The following DNHD1 variants were observed in gnomAD, a reference collection of about 807,000 sequenced individuals.
DNHD1 encodes dynein heavy chain domain-containing protein 1.
DNHD1 carries 383 observed loss-of-function variants against 458.1 expected under a neutral mutation model. The ratio of observed to expected loss-of-function variants is 0.84; its 90% CI spans 0.77 to 0.91. The LOEUF is 0.91. Ranked by LOEUF, DNHD1 falls within the 40% of genes least tolerant of loss-of-function variation. The pLI, the probability that DNHD1 is intolerant of heterozygous loss-of-function variation, is 0.00. For missense variants in DNHD1, 5,336 were observed against 5,866.1 expected (o/e 0.91, Z 2.95); for synonymous variants, 2,203 against 2,376.9 (o/e 0.93, Z 2.13).
rs1037284627 is a variant in DNHD1, at chr11:6,544,344, T to C, written c.3754+98T>C. 65 of 1,401,882 alleles carry C rather than the reference T, an allele frequency of 4.6e-5. No individual in the cohort carries two copies. The Admixed American group carries it at 9.1e-4, about 20-fold the overall frequency. 86.8% of individuals were successfully genotyped at this position (1,401,882 alleles called of 1,614,324 possible). A position where few individuals can be genotyped will look rare whatever the true frequency, so the allele number is the denominator to read the frequency against. ...GGTGGAGGTTGGGTGGGAGAAGATA[T>C]GAAGAACACAGTGAGGACCTCCTTC... On this transcript the variant is annotated intron_variant, in intron 19 of 42. Coordinates refer to ENST00000254579, the MANE Select transcript of DNHD1 (RefSeq NM_144666.3).
Position 6,533,137 on chromosome 11 carries a change from C to G in DNHD1, c.2458C>G (p.Arg820Gly). 6.4e-7 allele frequency: 1 copy of G among 1,551,640 alleles called. No individual in the cohort carries two copies. The highest frequency in any genetic ancestry group is 8.7e-7 in the Non-Finnish European group (1 of 1,146,986). The change falls in exon 13 of 43, where the codon CGA becomes GGA. Residue 820 changes from arginine to glycine, a missense_variant. Around this residue, in one of 4 missense-constraint regions of DNHD1, gnomAD observed 3,932 missense variants for 4,365.6 expected, o/e 0.90. Coordinates refer to ENST00000254579, the MANE Select transcript of DNHD1 (RefSeq NM_144666.3). ...TELTDFMHIF[R>G]TINSDIHAIA... ...GCTCACAGATTTCATGCATATCTTC[C>G]GAACCATCAACTCAGATATTCATGC...
At chr11:6,504,771 C>A (rs947715933) in intron 4 of DNHD1, among the ~76,000 whole-genome samples, 1 of 151,994 alleles carries the variant, frequency 6.6e-6, no homozygotes, top group Non-Finnish European at 1.5e-5. Context: ...TCTGAATCAG[C>A]CTCTTCATAA....
At chr11:6,531,584 G>C (rs1323322911) in intron 12 of DNHD1, among the ~76,000 whole-genome samples, 1 of 152,154 alleles carries the variant, frequency 6.6e-6, no homozygotes, top group African/African-American at 2.4e-5. Flanking sequence ...CCTAGTTACT[G>C]TTATGTTCCA....
chr11:6,548,328 C>T lies in DNHD1; in HGVS notation c.7024C>T (p.Leu2342=), dbSNP rs947687771. The change falls in exon 23 of 43, where the codon CTG becomes TTG. Residue 2342 remains leucine, a synonymous_variant. Transcript: ENST00000254579. This position sits in a 1 kb window ranked among gnomAD's most constrained non-coding sequence, Gnocchi z 4.4. ...ACATGTAAGCCCTGAAGATGGAACA[C>T]TGGTCCCCTTCACTGGCCAATACCT... The part of the protein sequence containing the change: ...DLHVSPEDGT[L]VPFTGQYLSS... 1.3e-6 allele frequency: 2 copies of T among 1,551,728 alleles called. No individual in the cohort carries two copies. The highest frequency in any genetic ancestry group is 1.4e-5 in the African/African-American group (1 of 73,164).
chr11:6,525,310 CT>C (rs1852688555), intron 10 of DNHD1, among the ~76,000 whole-genome samples: 2 of 152,182 alleles, frequency 1.3e-5, no homozygotes, highest in Admixed American at 1.3e-4. Context: ...GTAAGATAGG[CT>C]AGGAAATCAA....
rs530720636 is a variant in DNHD1, at chr11:6,558,928, G to A, written c.9238G>A (p.Ala3080Thr). 14 of 1,551,642 alleles carry A rather than the reference G, an allele frequency of 9.0e-6. No homozygotes were observed. In the South Asian group the frequency reaches 1.4e-4, roughly 16 times the overall value. The part of the protein sequence containing the change: ...DGSWKYPDLQ[A>T]SIPSVAKAMA... ...CTCCTGGAAGTACCCAGACCTCCAG[G>A]CCTCAATTCCCAGTGTGGCCAAAGC... is the stretch of plus-strand genomic sequence containing the variant. The change falls in exon 27 of 43, where the codon GCC becomes ACC. Residue 3080 changes from alanine to threonine, a missense_variant. Physicochemically the swap from Ala to Thr is moderately conservative, Grantham distance 58 (BLOSUM62 0). Transcript: ENST00000254579.
At position 6,567,473 on chromosome 11, in the gene DNHD1, T is replaced by A. The variant is rs769662760; in HGVS notation, c.11964T>A (p.His3988Gln). Residue 3988 changes from histidine to glutamine, a missense_variant, in exon 36 of 43, where the codon CAT becomes CAA. His to Gln is a conservative substitution (Grantham distance 24). Coordinates refer to ENST00000254579, the MANE Select transcript of DNHD1 (RefSeq NM_144666.3). Reference sequence around the variant, plus strand: ...CCTGGCTTGGGCCAAAAGCCTGGCATGAATGTGAGATGTTAGAGCTGCTGC... The same window carrying A: ...CCTGGCTTGGGCCAAAAGCCTGGCAAGAATGTGAGATGTTAGAGCTGCTGC... ...RPAWLGPKAW[H>Q]ECEMLELLPP... is the part of the protein sequence containing the mutation. The A allele has an allele frequency of 6.2e-7, 1 of 1,613,184 alleles. No homozygotes were observed. Among genetic ancestry groups the A allele is most frequent in the Non-Finnish European group, 8.5e-7 (1 of 1,179,552 alleles).
chr11:6,566,409 C>A lies in DNHD1; in HGVS notation c.11206+16C>A, dbSNP rs758785107. On this transcript the variant is annotated intron_variant, in intron 34 of 42. Coordinates refer to ENST00000254579, the MANE Select transcript of DNHD1 (RefSeq NM_144666.3). ...ATGGAAAAAGGTGAGGCCCAGAGGG[C>A]AAATTGCCAGCACAGTTGTGTGGAC... 2.6e-6 allele frequency: 4 copies of A among 1,557,404 alleles called. No individual in the cohort carries two copies. The highest frequency in any genetic ancestry group is 2.4e-5 in the South Asian group (2 of 84,200).
At chr11:6,556,526 G>A (rs919266625) in intron 24 of DNHD1, among the ~76,000 whole-genome samples, 157 bp from the exon 25 acceptor site, 2 of 152,332 alleles carry the variant, frequency 1.3e-5, no homozygotes, top group African/African-American at 2.4e-5. Flanking sequence ...GGGAGAATGT[G>A]GGGGAGGGAG....
chr11:6,504,436 C>T (rs538662160), intron 4 of DNHD1, among the ~76,000 whole-genome samples: 1 of 152,320 alleles, frequency 6.6e-6, no homozygotes, highest in East Asian at 1.9e-4. Flanking sequence ...GTCTTTCACC[C>T]TGGCAGCAGC....
rs1007218548 is a variant in DNHD1, at chr11:6,520,281, A to G, written c.1829A>G (p.Tyr610Cys). The change falls in exon 10 of 43, where the codon TAT becomes TGT. Residue 610 changes from tyrosine to cysteine, a missense_variant. By Grantham distance (194) the Tyr-to-Cys change is radical (BLOSUM62 -2). Transcript: ENST00000254579. The stretch of plus-strand genomic sequence containing the variant: ...CTGAAGACCTCCTCGGATTCCCTGT[A>G]TTCTGAAGGTATTTAGGGAGACCTA... ...ADLKTSSDSLYSEEEDEEEDS... is the reference protein window; with the variant it reads ...ADLKTSSDSLCSEEEDEEEDS... 1 of 1,551,904 alleles carries G rather than the reference A, an allele frequency of 6.4e-7. No homozygotes were observed. Among genetic ancestry groups the G allele is most frequent in the East Asian group, 2.4e-5 (1 of 40,926 alleles).
At position 6,569,938 on chromosome 11, in the gene DNHD1, GAAGAC is replaced by G. The variant is rs2134466424; in HGVS notation, c.12864-65_12864-61del. The G allele has an allele frequency of 2.2e-6, 3 of 1,373,558 alleles. No homozygotes were observed. In the South Asian group the frequency reaches 3.7e-5, roughly 17 times the overall value. The allele number at this position is 1,373,558 out of a possible 1,614,324, so 85.1% of individuals were successfully genotyped here. A position where few individuals can be genotyped will look rare whatever the true frequency, so the allele number is the denominator to read the frequency against. ...GAAGCTCAGGAGAGAGGTTTGAACT[GAAGAC>G]AAGACTTGACAGTCCTCAGCATATA... On this transcript the variant is annotated intron_variant, in intron 39 of 42. Transcript: ENST00000254579.
chr11:6,519,994 A>G lies in DNHD1; in HGVS notation c.1677A>G (p.Ser559=). 6.2e-7 allele frequency: 1 copy of G among 1,613,896 alleles called. No individual in the cohort carries two copies. The highest frequency in any genetic ancestry group is 8.5e-7 in the Non-Finnish European group (1 of 1,179,992). The change falls in exon 9 of 43, where the codon TCA becomes TCG. Residue 559 remains serine (S), a synonymous_variant. Transcript: ENST00000254579. ...QAPRQKPFLS[S]QLVFDDHGQL... ...CAAGGCAGAAACCCTTTCTCTCATCACAGCTGGTCTTTGATGATCATGGTC... is the reference window on the plus strand; with the variant it reads ...CAAGGCAGAAACCCTTTCTCTCATCGCAGCTGGTCTTTGATGATCATGGTC...
chr11:6,512,372 C>G (rs867409215), intron 7 of DNHD1, among the ~76,000 whole-genome samples: 7 of 148,198 alleles, frequency 4.7e-5, no homozygotes, highest in Admixed American at 2.6e-4. Flanking sequence ...AGGCACCCAC[C>G]ACCATGCCCG....
intron 10 of DNHD1, among the ~76,000 whole-genome samples, chr11:6,523,729 G>C (rs1393347943): frequency 2.0e-5 from 3 of 152,110 alleles, no homozygotes; most frequent in Non-Finnish European, 2.9e-5. Flanking sequence ...GCTCACACCT[G>C]TAATCCCAGC....
intron 14 of DNHD1, 35 bp downstream of exon 14, chr11:6,534,208 TG>T: frequency 6.5e-7 from 1 of 1,535,640 alleles, no homozygotes. Flanking sequence ...ATTATCACTC[TG>T]TGATAGACCC....
intron 39 of DNHD1, 57 bp from the exon 40 acceptor site, chr11:6,569,952 A>G (rs974849134): frequency 4.8e-5 from 71 of 1,474,910 alleles, no homozygotes; most frequent in Non-Finnish European, 6.7e-5. Flanking sequence ...ACAAGACTTG[A>G]CAGTCCTCAG....
At chr11:6,569,903 C>A in intron 39 of DNHD1, 106 bp from the exon 40 acceptor site, 1 of 879,278 alleles carries the variant, frequency 1.1e-6, no homozygotes, top group Non-Finnish European at 1.8e-6. Flanking sequence ...TGCCAAGTGG[C>A]AATGAACCCG....
rs1450860392 is a variant in DNHD1, at chr11:6,563,463, G to T, written c.9751G>T (p.Glu3251Ter). 1 of 1,551,728 alleles carries T rather than the reference G, an allele frequency of 6.4e-7. No individual in the cohort carries two copies. The highest frequency in any genetic ancestry group is 8.7e-7 in the Non-Finnish European group (1 of 1,146,984). Residue 3251 changes from glutamate (E) to a stop codon, truncating the protein, a stop_gained, in exon 30 of 43, where the codon GAA (glutamate) becomes TAA (stop). Transcript: ENST00000254579. LOFTEE classifies it high-confidence loss of function. ...EEIRSYRAPP[E>*]SVVRVTDAMC... is the part of the protein sequence containing the mutation. ...GATACGGAGCTATCGAGCACCACCA[G>T]AATCTGTGGTCCGGGTAACTGATGC...
Sources: gnomAD v4.1 joint callset for allele counts (sites outside exome capture counted in the v4.1 genomes callset) on GRCh38, gnomAD v4.1.1 for gene constraint, gnomAD v4.1.1 regional missense constraint, Gnocchi (gnomAD v3.1) non-coding constraint, MANE v1.5 for transcripts, NCBI Gene and HGNC (gene_info 2026-07-23, HGNC 2026-07-21) for gene names.